The following AGMO variants were observed in gnomAD, a reference collection of about 807,000 sequenced individuals.
AGMO encodes the protein glyceryl-ether monooxygenase.
Under a neutral mutation model 60.2 loss-of-function variants are expected in AGMO, and 75 were observed. The observed-to-expected ratio is 1.25, with a 90% CI of 1.03 to 1.51. AGMO has a LOEUF of 1.51. Ranked by LOEUF, AGMO falls within the 40% of genes most tolerant of loss-of-function variation. AGMO has a pLI of 0.00. For missense variants in AGMO, 763 were observed against 525.5 expected, an observed-to-expected ratio of 1.45 and a Z score of -4.42; for synonymous variants, 261 against 177.1, an observed-to-expected ratio of 1.47 and a Z score of -3.76.
chr7:15,334,909 T>C (rs1583420484), intron 12 of AGMO, among the ~76,000 whole-genome samples: 1 of 152,112 alleles, frequency 6.6e-6, no homozygotes, highest in African/African-American at 2.4e-5. Flanking sequence ...TCATGAACAA[T>C]AAGAGCTGTC....
In AGMO at chr7:15,557,286, C is replaced by T. The variant is rs184464175; in HGVS notation, c.257+2855G>A. Among the ~76,000 whole-genome samples the T allele has an allele frequency of 6.6e-5, 10 of 152,194 alleles. No homozygotes were observed. In the East Asian group the frequency reaches 1.5e-3, roughly 24 times the overall value. ...TGGAATTATTATCCAAAGCATAATTCTTCACAAACGAATTAGCAAAAGGCA... is the reference window on the plus strand; with the variant it reads ...TGGAATTATTATCCAAAGCATAATTTTTCACAAACGAATTAGCAAAAGGCA... On this transcript the variant is annotated intron_variant, in intron 2 of 12. Transcript: ENST00000342526.
the AGMO span, among the ~76,000 whole-genome samples, chr7:15,190,949 T>C: frequency 6.6e-6 from 1 of 152,192 alleles, no homozygotes; most frequent in South Asian, 2.1e-4. Flanking sequence ...GTCACACATC[T>C]AGTAAGTGGC....
chr7:15,324,285 G>A (rs775394152), intron 12 of AGMO, among the ~76,000 whole-genome samples: 44 of 152,092 alleles, frequency 2.9e-4, no homozygotes, highest in Non-Finnish European at 5.7e-4. Context: ...CAGACTTTTA[G>A]ACGTTGGTAT....
At chr7:15,170,967 TTTG>T in the AGMO span, among the ~76,000 whole-genome samples, 3 of 152,150 alleles carry the variant, frequency 2.0e-5, no homozygotes, top group South Asian at 2.1e-4. Flanking sequence ...GGTTGTGGTT[TTTG>T]TTGTTGTTTT....
chr7:15,431,144 T>C, intron 3 of AGMO, 36 bp from the exon 4 acceptor site: 1 of 1,505,314 alleles, frequency 6.6e-7, no homozygotes, highest in Non-Finnish European at 9.2e-7. Context: ...GCCATGAGAA[T>C]AAGAACAAAG....
At position 15,552,369 on chromosome 7, in the gene AGMO, T is replaced by C. The variant is rs1335740603; in HGVS notation, c.258-7446A>G. On this transcript the variant is annotated intron_variant, in intron 2 of 12. Transcript: ENST00000342526. ...TCTGCACAGCAAAAGAAACTACCAT[T>C]AGAGTGAACAGGCAACCTACAAAAT... is the stretch of plus-strand genomic sequence containing the variant. Among the ~76,000 whole-genome samples, 173 of 152,100 alleles carry C rather than the reference T, an allele frequency of 1.1e-3. 1 individual carries two copies. Among genetic ancestry groups the C allele is most frequent in the Middle Eastern group, 3.4e-3 (1 of 294 alleles).
At chr7:15,450,927 A>G (rs1175377229) in intron 3 of AGMO, among the ~76,000 whole-genome samples, 1 of 152,206 alleles carries the variant, frequency 6.6e-6, no homozygotes, top group East Asian at 1.9e-4. Flanking sequence ...CAAAAATGAA[A>G]TTAGAACTAA....
intron 4 of AGMO, among the ~76,000 whole-genome samples, chr7:15,429,727 T>A (rs1781174121): frequency 6.6e-6 from 1 of 152,038 alleles, no homozygotes; most frequent in Admixed American, 6.6e-5. Flanking sequence ...AGATTTGTTT[T>A]GCCTATGCTG....
In AGMO at chr7:15,541,208, C is replaced by T. The variant is rs567024693; in HGVS notation, c.409+3564G>A. On this transcript the variant is annotated intron_variant, in intron 3 of 12. Coordinates refer to ENST00000342526, the MANE Select transcript of AGMO (RefSeq NM_001004320.2). Reference sequence around the variant, plus strand: ...AACGGTCTTGGCTCACTGCAACCTCCGGCTCCCGGGTTCAAGCAATTCTCC... The same window carrying T: ...AACGGTCTTGGCTCACTGCAACCTCTGGCTCCCGGGTTCAAGCAATTCTCC... Among the ~76,000 whole-genome samples the T allele has an allele frequency of 4.1e-3, 623 of 152,186 alleles. 4 individuals are homozygous for T. Among genetic ancestry groups the T allele is most frequent in the African/African-American group, 0.014 (563 of 41,532 alleles).
chr7:15,147,286 A>G, the AGMO span, among the ~76,000 whole-genome samples: 2 of 152,268 alleles, frequency 1.3e-5, no homozygotes, highest in South Asian at 4.1e-4. Flanking sequence ...GAGACTGGGT[A>G]ATTTATAAAG....
At chr7:15,412,960 T>C (rs1780656496) in intron 5 of AGMO, among the ~76,000 whole-genome samples, 1 of 152,092 alleles carries the variant, frequency 6.6e-6, no homozygotes, top group South Asian at 2.1e-4. Flanking sequence ...AATAAATTAC[T>C]AGATGTACAA....
intron 12 of AGMO, among the ~76,000 whole-genome samples, chr7:15,289,868 A>C (rs1441276471): frequency 1.3e-5 from 2 of 150,842 alleles, no homozygotes; most frequent in Non-Finnish European, 2.9e-5. Context: ...TACATGCCTA[A>C]TTCTTTGTCT....
intron 10 of AGMO, among the ~76,000 whole-genome samples, chr7:15,377,116 T>C (rs775152977): frequency 9.2e-5 from 14 of 152,052 alleles, no homozygotes; most frequent in Non-Finnish European, 1.6e-4. Flanking sequence ...GAAAAAAATA[T>C]TGCTGTTGGA....
rs1217006785 is a variant in AGMO, at chr7:15,289,392, A to C, written c.1263+76122T>G. Among the ~76,000 whole-genome samples the C allele has an allele frequency of 4.6e-5, 7 of 152,198 alleles. No individual in the cohort carries two copies. The East Asian group carries it at 1.4e-3, about 29-fold the overall frequency. ...TTGTTTTCTAAAAAAAAGTAGGTAC[A>C]TTTTTAAAAACAATATTTAATCAAA... On this transcript the variant is annotated intron_variant, in intron 12 of 12. Transcript: ENST00000342526.
chr7:15,246,348 A>G (rs1782741684), intron 12 of AGMO, among the ~76,000 whole-genome samples: 1 of 152,072 alleles, frequency 6.6e-6, no homozygotes, highest in Non-Finnish European at 1.5e-5. Context: ...CAGTCTCCAA[A>G]AGATGTTTTA....
At chr7:15,190,922 T>G in the AGMO span, among the ~76,000 whole-genome samples, 1 of 152,182 alleles carries the variant, frequency 6.6e-6, no homozygotes, top group African/African-American at 2.4e-5. Flanking sequence ...CTTATTCACT[T>G]CCCATGTCTG....
At chr7:15,231,906 T>C (rs1044304034) in intron 12 of AGMO, among the ~76,000 whole-genome samples, 1 of 152,154 alleles carries the variant, frequency 6.6e-6, no homozygotes, top group Non-Finnish European at 1.5e-5. Context: ...AATAAAGTAG[T>C]TACTTATATA....
intron 3 of AGMO, among the ~76,000 whole-genome samples, chr7:15,511,716 C>T (rs1040546158): frequency 6.6e-6 from 1 of 152,286 alleles, no homozygotes; most frequent in South Asian, 2.1e-4. Flanking sequence ...ACAAAGTATA[C>T]ATGTTTCATT....
At chr7:15,231,998 C>T (rs746712634) in intron 12 of AGMO, among the ~76,000 whole-genome samples, 2 of 152,148 alleles carry the variant, frequency 1.3e-5, no homozygotes, top group Non-Finnish European at 2.9e-5. Context: ...TTTAAAATTG[C>T]TAATTTTCCA....
Sources: allele counts gnomAD v4.1 joint callset (sites outside exome capture counted in the v4.1 genomes callset), GRCh38; gene constraint gnomAD v4.1.1; transcripts MANE v1.5; gene names NCBI Gene and HGNC (gene_info 2026-07-23, HGNC 2026-07-21).